The following LRRC37B variants were observed in gnomAD, a reference collection of about 807,000 sequenced individuals.
The protein encoded by LRRC37B is leucine rich repeat containing 37B, also known as leucine-rich repeat-containing protein 37B.
LRRC37B carries 28 observed loss-of-function variants against 98.3 expected under a neutral mutation model. That is an observed-to-expected ratio of 0.28 (90% CI 0.21 to 0.39). The LOEUF (loss-of-function observed/expected upper bound fraction) is 0.39, where lower values mean the gene tolerates loss of function less well. LRRC37B is among the 10% of genes least tolerant of loss of function. The pLI is 1.00. For synonymous variants in LRRC37B, 364 were observed against 442.7 expected (o/e 0.82, Z 2.23); for missense variants, 938 against 1,182.7 (o/e 0.79, Z 3.03).
chr17:32,017,169 A>G (rs1910661790), upstream of LRRC37B: 1 of 152,158 alleles, frequency 6.6e-6, no homozygotes, highest in Admixed American at 6.5e-5. Flanking sequence ...AGGAAGTTGT[A>G]TTGTCTGTAG....
chr17:32,047,503 G>A (rs1911620929), intron 8 of LRRC37B: 1 of 491,658 alleles, frequency 2.0e-6, no homozygotes, highest in Non-Finnish European at 3.7e-6. Flanking sequence ...ATTGGCCCCT[G>A]GGGATCAACG....
chr17:32,021,589 A>G, exon 1 of LRRC37B: 1 of 1,614,248 alleles, frequency 6.2e-7, no homozygotes, highest in South Asian at 1.1e-5. Flanking sequence ...GCCCTAGTTC[A>G]GCTTCCTCGC....
intron 1 of LRRC37B, among the ~76,000 whole-genome samples, chr17:32,009,523 T>G (rs1002796898): frequency 2.0e-5 from 3 of 152,216 alleles, no homozygotes; most frequent in African/African-American, 7.2e-5. Context: ...ATCTGCTGCC[T>G]CGGCCTCCCA....
chr17:32,043,293 G>A (rs927772642), intron 7 of LRRC37B, among the ~76,000 whole-genome samples: 21 of 152,204 alleles, frequency 1.4e-4, no homozygotes, highest in Admixed American at 3.3e-4. Flanking sequence ...AAACCTTTGG[G>A]CTCATGCCTG....
intron 5 of LRRC37B, among the ~76,000 whole-genome samples, chr17:32,033,658 G>A (rs1327467189): frequency 6.6e-6 from 1 of 152,178 alleles, no homozygotes; most frequent in African/African-American, 2.4e-5. Flanking sequence ...CCTAATAGAT[G>A]CTCACTGTAA....
At chr17:32,027,821 C>T in exon 3 of LRRC37B, 1 of 1,607,786 alleles carries the variant, frequency 6.2e-7, no homozygotes, top group Non-Finnish European at 8.5e-7. Flanking sequence ...ATTTGAAGGC[C>T]TGCTATACCT....
intron 7 of LRRC37B, among the ~76,000 whole-genome samples, chr17:32,037,733 A>G (rs1468347898): frequency 6.6e-6 from 1 of 152,160 alleles, no homozygotes; most frequent in African/African-American, 2.4e-5. Flanking sequence ...ATCTGTTCCC[A>G]TATTTTAATT....
rs376055442 is a variant in LRRC37B at position 32,032,096 on chromosome 17, C to T, written c.2057+638C>T. On this transcript the variant is annotated intron_variant, in intron 5 of 11. Transcript: ENST00000327564. ...CAGCCTGGCCAACATGGCGAAACCC[C>T]GTCTCTACTAACGATACAAAAATTA... is the stretch of plus-strand genomic sequence containing the variant. Among the ~76,000 whole-genome samples, 422 of 152,156 alleles carry T rather than the reference C, an allele frequency of 2.8e-3. 1 individual carries two copies. The highest frequency in any genetic ancestry group is 9.7e-3 in the African/African-American group (402 of 41,510).
At chr17:32,047,724 T>C (rs1911628817) in intron 8 of LRRC37B, 37 bp from the exon 12 acceptor site, 1 of 1,613,358 alleles carries the variant, frequency 6.2e-7, no homozygotes, top group Non-Finnish European at 8.5e-7. Context: ...TGATCAAAGA[T>C]ATTTCATGAT....
At chr17:32,031,031 A>C (rs1054241402) in intron 4 of LRRC37B, among the ~76,000 whole-genome samples, 2 of 152,090 alleles carry the variant, frequency 1.3e-5, no homozygotes, top group African/African-American at 4.8e-5. Context: ...TGGTGGGCAG[A>C]GGCCAGAGAT....
intron 1 of LRRC37B, among the ~76,000 whole-genome samples, chr17:32,008,453 A>G (rs1035657027): frequency 6.6e-6 from 1 of 152,162 alleles, no homozygotes; most frequent in East Asian, 1.9e-4. Flanking sequence ...TGGCAAACAC[A>G]TATCCATTGC....
chr17:32,022,052 G>A (rs768281229), exon 1 of LRRC37B: 1 of 1,613,958 alleles, frequency 6.2e-7, no homozygotes, highest in Non-Finnish European at 8.5e-7. Context: ...CCCAGCAGGA[G>A]GCCCCAGCTC....
intron 1 of LRRC37B, among the ~76,000 whole-genome samples, chr17:32,023,090 G>A (rs966867354): frequency 2.0e-5 from 3 of 149,604 alleles, no homozygotes; most frequent in African/African-American, 4.9e-5. Flanking sequence ...TTGCTTAACC[G>A]CTGCTCTGCT....
chr17:32,025,990 C>G (rs1222505479), intron 2 of LRRC37B, among the ~76,000 whole-genome samples: 2 of 152,138 alleles, frequency 1.3e-5, no homozygotes, highest in Middle Eastern at 3.2e-3. Flanking sequence ...AATTAAATAT[C>G]TTTATATGTT....
At chr17:32,007,467 C>T (rs1464197109), upstream of LRRC37B, among the ~76,000 whole-genome samples, 2 of 152,156 alleles carry the variant, frequency 1.3e-5, no homozygotes, top group African/African-American at 4.8e-5. This position sits in a 1 kb window ranked among gnomAD's most constrained non-coding sequence, Gnocchi z 4.1. Flanking sequence ...TGAGCCTTCT[C>T]CCTCCACTCG....
upstream of LRRC37B, among the ~76,000 whole-genome samples, chr17:32,016,145 G>A (rs1307614569): frequency 2.6e-5 from 4 of 152,300 alleles, no homozygotes; most frequent in East Asian, 3.9e-4. Flanking sequence ...CATCCATGTA[G>A]ATCCTTCTTG....
At position 32,034,299 on chromosome 17, in the gene LRRC37B, G is replaced by A. The variant is rs541419158; in HGVS notation, c.2058-611G>A. ...GGTGGATCACCTGAGGTTAGGAGTT[G>A]GAGACCAGCCTGTCCAACATGATGA... is the stretch of plus-strand genomic sequence containing the variant. On this transcript the variant is annotated intron_variant, in intron 5 of 11. Transcript: ENST00000327564. Among the ~76,000 whole-genome samples, 8 of 151,956 alleles carry A rather than the reference G, an allele frequency of 5.3e-5. No homozygotes were observed. In the South Asian group the frequency reaches 1.7e-3, roughly 32 times the overall value.
intron 5 of LRRC37B, among the ~76,000 whole-genome samples, chr17:32,034,274 G>A (rs1911181984): frequency 6.6e-6 from 1 of 152,046 alleles, no homozygotes; most frequent in African/African-American, 2.4e-5. Context: ...GGCCGAGGGG[G>A]GTGGATCACC....
rs781435970 is a variant in LRRC37B, at chr17:32,021,075, G to A, written c.10G>A (p.Ala4Thr). 32 of 1,612,330 alleles carry A rather than the reference G, an allele frequency of 2.0e-5. No homozygotes were observed. In the East Asian group the frequency reaches 2.0e-4, roughly 10 times the overall value. Residue 4 changes from alanine to threonine, a missense_variant, in exon 1 of 12, where the codon GCT (alanine) becomes ACT (threonine). This residue lies in a region of LRRC37B where 610 missense variants were observed against 625.6 expected (regional missense o/e 0.98). Transcript: ENST00000327564. ...GTCATAAAGACAGGGCATGGCACAC[G>A]CTTATAAGGGGCATGAGCATCTCAG...
Sources: gnomAD v4.1 joint callset for allele counts (sites outside exome capture counted in the v4.1 genomes callset) on GRCh38, gnomAD v4.1.1 for gene constraint, gnomAD v4.1.1 regional missense constraint, Gnocchi (gnomAD v3.1) non-coding constraint, MANE v1.5 for transcripts, NCBI Gene and HGNC (gene_info 2026-07-23, HGNC 2026-07-21) for gene names.